The following PLEC variants were observed in gnomAD, a reference collection of about 807,000 sequenced individuals.
PLEC encodes hemidesmosomal protein 1.
PLEC carries 216 observed loss-of-function variants against 392.8 expected under a neutral mutation model. That is an observed-to-expected ratio of 0.55 (90% CI 0.49 to 0.62). The LOEUF is 0.62. Among genes scored for constraint, PLEC ranks in the 20% least tolerant of loss-of-function variants. The pLI is 0.00. For synonymous variants in PLEC, 3,621 were observed against 2,980.6 expected (o/e 1.21, Z -7.00); for missense variants, 6,863 against 6,563.4 (o/e 1.05, Z -1.58).
At chr8:143,937,342 C>A in intron 3 of PLEC, 100 bp from the exon 4 acceptor site, 1 of 858,862 alleles carries the variant, frequency 1.2e-6, no homozygotes, top group South Asian at 1.4e-5. Context: ...CAAGGGTCTT[C>A]CCCAGGGGGC....
chr8:143,924,083 C>CCCAGCT lies in PLEC; in HGVS notation c.5840_5845dup (p.Glu1947_Leu1948dup), dbSNP rs782811601. On this transcript the variant is annotated inframe_insertion, in exon 31 of 32. Coordinates refer to ENST00000345136, the MANE Select transcript of PLEC (RefSeq NM_201384.3). ...GTCCTCCGCGTTGCTGCGGATGCGTCCCAGCTCCAGCTCCAGCTCCGCCTT... is the reference window on the plus strand; with the variant it reads ...GTCCTCCGCGTTGCTGCGGATGCGTCCCAGCTCCAGCTCCAGCTCCAGCTCCGCCTT... The CCCAGCT allele has an allele frequency of 1.9e-5, 31 of 1,598,048 alleles. No individual in the cohort carries two copies. The highest frequency in any genetic ancestry group is 2.7e-5 in the African/African-American group (2 of 74,792).
In PLEC at chr8:143,920,427, G is replaced by C; in HGVS notation, c.9394C>G (p.Arg3132Gly). The C allele has an allele frequency of 6.3e-7, 1 of 1,596,990 alleles. No individual in the cohort carries two copies. Among genetic ancestry groups the C allele is most frequent in the Non-Finnish European group, 8.5e-7 (1 of 1,174,318 alleles). ...KGLIPREQGL[R>G]LLDAQLSTGG... ...GTGGACAGCTGGGCGTCCAACAGGC[G>C]CAGGCCCTGCTCCCGGGGAATGAGG... Residue 3132 changes from arginine to glycine, a missense_variant, in exon 32 of 32, where the codon CGC becomes GGC. By Grantham distance (125) the Arg-to-Gly change is moderately radical (BLOSUM62 -2). Coordinates refer to ENST00000345136, the MANE Select transcript of PLEC (RefSeq NM_201384.3).
chr8:143,958,207 G>A (rs1318665802), upstream of PLEC, among the ~76,000 whole-genome samples: 5 of 152,168 alleles, frequency 3.3e-5, no homozygotes, highest in Non-Finnish European at 5.9e-5. The surrounding 1 kb of genome is among the most constrained non-coding windows in gnomAD (Gnocchi z 4.9). Context: ...CCACCCCTGC[G>A]CAGGGTGGGG....
upstream of PLEC, among the ~76,000 whole-genome samples, chr8:143,954,263 G>T (rs546905834): frequency 1.3e-5 from 2 of 152,310 alleles, no homozygotes; most frequent in Non-Finnish European, 2.9e-5. The surrounding 1 kb of genome is among the most constrained non-coding windows in gnomAD (Gnocchi z 4.6). Context: ...GGGCTGGCAG[G>T]CTGCTGAGAT....
chr8:143,969,897 G>A lies in PLEC; in HGVS notation c.70+3506C>T, dbSNP rs140191257. Among the ~76,000 whole-genome samples the A allele has an allele frequency of 5.2e-3, 793 of 151,906 alleles. 9 individuals are homozygous for A. Among genetic ancestry groups the A allele is most frequent in the Non-Finnish European group, 8.4e-3 (570 of 67,920 alleles). ...GTGGGTGGCGTTGGTGTGGGGCAGG[G>A]GCCAGGGGTGGGAGGCCTGCATTGG... On this transcript the variant is annotated intron_variant, in intron 1 of 31. Transcript: ENST00000356346. This position sits in a 1 kb window ranked among gnomAD's most constrained non-coding sequence, Gnocchi z 5.1.
chr8:143,924,143 G>A lies in PLEC; in HGVS notation c.5786C>T (p.Ala1929Val), dbSNP rs782578967. 74 of 1,598,736 alleles carry A rather than the reference G, an allele frequency of 4.6e-5. No homozygotes were observed. The Admixed American group carries it at 6.0e-4, about 13-fold the overall frequency. The change falls in exon 31 of 32, where the codon GCG becomes GTG. Residue 1929 changes from alanine to valine, a missense_variant. Physicochemically the swap from Ala to Val is moderately conservative, Grantham distance 64. Coordinates refer to ENST00000345136, the MANE Select transcript of PLEC (RefSeq NM_201384.3). Reference protein sequence around the residue: ...QRRQVEEEILALKASFEKAAA... With the variant: ...QRRQVEEEILVLKASFEKAAA... ...CGCCTTCTCGAAGCTCGCCTTCAGC[G>A]CCAGGATCTCCTCCTCCACCTGCCG...
chr8:143,919,656 G>T lies in PLEC; in HGVS notation c.10165C>A (p.Leu3389Met), dbSNP rs781946897. The T allele has an allele frequency of 6.3e-7, 1 of 1,592,114 alleles. No individual in the cohort carries two copies. Among genetic ancestry groups the T allele is most frequent in the East Asian group, 2.2e-5 (1 of 44,638 alleles). The change falls in exon 32 of 32, where the codon CTG becomes ATG. Residue 3389 changes from leucine (L) to methionine (M), a missense_variant. Transcript: ENST00000345136. ...LLRATTAALL[L>M]EAQAATGFLV... ...AAGCCAGTGGCCGCCTGCGCCTCCAGCAGGAGCGCAGCCGTTGTGGCTCTC... is the reference window on the plus strand; with the variant it reads ...AAGCCAGTGGCCGCCTGCGCCTCCATCAGGAGCGCAGCCGTTGTGGCTCTC...
Position 143,937,214 on chromosome 8 carries a change from T to G in PLEC, c.293A>C (p.His98Pro). Residue 98 changes from histidine (H) to proline (P), a missense_variant, in exon 4 of 32, where the codon CAC (histidine) becomes CCC (proline). Physicochemically the swap from His to Pro is moderately conservative, Grantham distance 77 (BLOSUM62 -2). Coordinates refer to ENST00000345136, the MANE Select transcript of PLEC (RefSeq NM_201384.3). ...GGCAATCTGGACATTCTGCAGCTTG[T>G]GGAAACGCATCCTCCCCTTCTCCCG... is the stretch of plus-strand genomic sequence containing the variant. ...LPREKGRMRF[H>P]KLQNVQIALD... The G allele has an allele frequency of 6.2e-7, 1 of 1,612,590 alleles. No individual in the cohort carries two copies. The highest frequency in any genetic ancestry group is 8.5e-7 in the Non-Finnish European group (1 of 1,179,736).
At chr8:143,964,419 A>T (rs1832992507) in intron 1 of PLEC, among the ~76,000 whole-genome samples, 1 of 152,148 alleles carries the variant, frequency 6.6e-6, no homozygotes, top group African/African-American at 2.4e-5. Context: ...AAGAGATGGA[A>T]GAGAAGCCAC....
chr8:143,942,272 A>G, upstream of PLEC: 1 of 1,216,500 alleles, frequency 8.2e-7, no homozygotes, highest in African/African-American at 1.5e-5. Context: ...GCAAGGCTGC[A>G]CCGGGCCAAG....
Position 143,921,161 on chromosome 8 carries a change from T to C in PLEC, c.8660A>G (p.Lys2887Arg), listed in dbSNP as rs201655861. Residue 2887 changes from lysine to arginine, a missense_variant, in exon 32 of 32, where the codon AAG becomes AGG. By Grantham distance (26) the Lys-to-Arg change is conservative. Coordinates refer to ENST00000345136, the MANE Select transcript of PLEC (RefSeq NM_201384.3). Reference protein sequence around the residue: ...TGLCLLPLTDKAAKGGELVYT... With the variant: ...TGLCLLPLTDRAAKGGELVYT... The stretch of plus-strand genomic sequence containing the variant: ...GACCAGCTCCCCGCCCTTGGCAGCC[T>C]TATCCGTGAGTGGCAGAAGGCACAG... 2.3e-4 allele frequency: 376 copies of C among 1,613,736 alleles called. 1 individual carries two copies. The African/African-American group carries it at 4.4e-3, about 19-fold the overall frequency.
upstream of PLEC, among the ~76,000 whole-genome samples, chr8:143,951,290 G>A (rs888876062): frequency 5.9e-5 from 9 of 152,120 alleles, no homozygotes; most frequent in African/African-American, 2.2e-4. Context: ...TCTGAAGGGG[G>A]GTGCTGGGCT....
Position 143,934,865 on chromosome 8 carries a change from T to C in PLEC, c.890A>G (p.His297Arg), listed in dbSNP as rs1564149552. The C allele has an allele frequency of 6.2e-7, 1 of 1,611,346 alleles. No homozygotes were observed. The change falls in exon 9 of 32, where the codon CAC (histidine) becomes CGC (arginine). Residue 297 changes from histidine to arginine, a missense_variant. Physicochemically the swap from His to Arg is conservative, Grantham distance 29 (BLOSUM62 0). Transcript: ENST00000345136. ...GCGTTCCTCAAAGGCGGCCGTGTGGTGTCGCATCCACTGAAGCAGCAGCAG... is the reference window on the plus strand; with the variant it reads ...GCGTTCCTCAAAGGCGGCCGTGTGGCGTCGCATCCACTGAAGCAGCAGCAG... ...LVLLLLQWMR[H>R]HTAAFEERRF...
In PLEC at chr8:143,922,281, C is replaced by G. The variant is rs1304886778; in HGVS notation, c.7540G>C (p.Ala2514Pro). 6.2e-7 allele frequency: 1 copy of G among 1,605,676 alleles called. No individual in the cohort carries two copies. The highest frequency in any genetic ancestry group is 8.5e-7 in the Non-Finnish European group (1 of 1,178,980). The change falls in exon 32 of 32, where the codon GCC becomes CCC. Residue 2514 changes from alanine to proline, a missense_variant. By Grantham distance (27) the Ala-to-Pro change is conservative. Transcript: ENST00000345136. ...QRERFIEQEK[A>P]KLEQLFQDEV... is the part of the protein sequence containing the mutation. ...TCCTGGAAGAGCTGCTCCAGCTTGG[C>G]CTTCTCCTGCTCGATGAAGCGCTCC... is the stretch of plus-strand genomic sequence containing the variant.
rs569485797 is a variant in PLEC at position 143,921,866 on chromosome 8, T to A, written c.7955A>T (p.Lys2652Met). Residue 2652 changes from lysine to methionine, a missense_variant, in exon 32 of 32, where the codon AAG (lysine) becomes ATG (methionine). Lys to Met is a moderately conservative substitution (Grantham distance 95, BLOSUM62 -1). Transcript: ENST00000345136. ...CTCCTGCAGCCTCTGAGCTGACACC[T>A]TCCGCCGCAGGCCATCGAAGCTGTG... ...PEHSFDGLRR[K>M]VSAQRLQEAG... 3 of 1,602,594 alleles carry A rather than the reference T, an allele frequency of 1.9e-6. No individual in the cohort carries two copies. Among genetic ancestry groups the A allele is most frequent in the African/African-American group, 2.7e-5 (2 of 75,050 alleles).
intron 19 of PLEC, 36 bp downstream of exon 19, chr8:143,931,498 C>T (rs1554715159): frequency 1.2e-5 from 19 of 1,560,242 alleles, no homozygotes; most frequent in Non-Finnish European, 1.6e-5. Context: ...CCAGGCCAGC[C>T]CCTCCTGACA....
At position 143,920,173 on chromosome 8, in the gene PLEC, A is replaced by C. The variant is rs781797232; in HGVS notation, c.9648T>G (p.Ala3216=). Residue 3216 remains alanine (A), a synonymous_variant, in exon 32 of 32, where the codon GCT becomes GCG. Transcript: ENST00000345136. Reference sequence around the variant, plus strand: ...AGAGCTCCTCCTGCCGGGCCCGAGCAGCCTTTTCTGAGAGCGGCAGCAGGC... The same window carrying C: ...AGAGCTCCTCCTGCCGGGCCCGAGCCGCCTTTTCTGAGAGCGGCAGCAGGC... ...GLSLLPLSEK[A]ARARQEELYS... The C allele has an allele frequency of 9.3e-6, 15 of 1,612,154 alleles. No individual in the cohort carries two copies. Among genetic ancestry groups the C allele is most frequent in the Non-Finnish European group, 1.2e-5 (14 of 1,179,954 alleles).
chr8:143,953,641 C>T, upstream of PLEC: 1 of 1,421,380 alleles, frequency 7.0e-7, no homozygotes, highest in South Asian at 1.2e-5. Flanking sequence ...GCAGACCCTG[C>T]CCGCCACCCT....
chr8:143,959,399 G>C (rs548040556), intron 1 of PLEC, among the ~76,000 whole-genome samples: 1 of 152,218 alleles, frequency 6.6e-6, no homozygotes, highest in African/African-American at 2.4e-5. Context: ...ACTGACGATC[G>C]GTCAGAGCTG....
Sources: gnomAD v4.1 joint callset for allele counts (sites outside exome capture counted in the v4.1 genomes callset) on GRCh38, gnomAD v4.1.1 for gene constraint, Gnocchi (gnomAD v3.1) non-coding constraint, MANE v1.5 for transcripts, NCBI Gene and HGNC (gene_info 2026-07-23, HGNC 2026-07-21) for gene names.